The following YWHAB variants were observed in gnomAD, a reference collection of about 807,000 sequenced individuals.
The protein encoded by YWHAB is tyrosine 3-monooxygenase/tryptophan 5-monooxygenase activation protein beta.
A neutral mutation model predicts 28.5 loss-of-function variants in YWHAB; 2 were observed. That is an observed-to-expected ratio of 0.07 (90% confidence interval 0.03 to 0.22). The LOEUF is 0.22. Ranked by LOEUF, YWHAB falls within the 10% of genes least tolerant of loss-of-function variation. The probability of loss-of-function intolerance (pLI) is 1.00; values close to 1 mark genes in which losing one functional copy is unlikely to be tolerated. For missense variants in YWHAB, 148 were observed against 297.1 expected (o/e 0.50, Z 3.69); for synonymous variants, 103 against 104.7 (o/e 0.98, Z 0.10).
At chr20:44,903,271 A>T (rs146152175) in intron 2 of YWHAB, 1 of 188,288 alleles carries the variant, frequency 5.3e-6, no homozygotes, top group East Asian at 1.9e-4. Flanking sequence ...ACCCTAGAAG[A>T]TGACCCTTCG....
intron 1 of YWHAB, among the ~76,000 whole-genome samples, chr20:44,892,023 G>A (rs1025055433): frequency 6.6e-6 from 1 of 152,126 alleles, no homozygotes; most frequent in African/African-American, 2.4e-5. Context: ...CTAACCACCT[G>A]GTCCCACTGA....
rs755819639 is a variant in YWHAB at position 44,901,527 on chromosome 20, C to G, written c.-3-4C>G. On this transcript the variant is annotated splice_polypyrimidine_tract_variant and splice_region_variant and intron_variant, in intron 1 of 5. Coordinates refer to ENST00000353703, the MANE Select transcript of YWHAB (RefSeq NM_139323.4). The stretch of plus-strand genomic sequence containing the variant: ...TCTTTCTTTTTCTCTTGCTCTTGTT[C>G]TAGGGAATGACAATGGATAAAAGTG... 36 of 1,581,260 alleles carry G rather than the reference C, an allele frequency of 2.3e-5. No homozygotes were observed. Among genetic ancestry groups the G allele is most frequent in the African/African-American group, 1.6e-4 (12 of 74,108 alleles).
At position 44,907,116 on chromosome 20, in the gene YWHAB, A is replaced by G. The variant is rs1249274339; in HGVS notation, c.*678A>G. The G allele has an allele frequency of 6.6e-6, 1 of 152,246 alleles. No homozygotes were observed. The allele number at this position is 152,246 out of a possible 1,614,324, so 9.4% of individuals were successfully genotyped here. On this transcript the variant is annotated 3_prime_UTR_variant, in exon 6 of 6. Transcript: ENST00000353703. Reference sequence around the variant, plus strand: ...CTTGAAAAGTTCAAGTGCTCATATAACACACCACACTGAACCCCCTTTCCT... The same window carrying G: ...CTTGAAAAGTTCAAGTGCTCATATAGCACACCACACTGAACCCCCTTTCCT...
chr20:44,901,789 G>C lies in YWHAB; in HGVS notation c.256G>C (p.Glu86Gln). The C allele has an allele frequency of 6.2e-7, 1 of 1,610,686 alleles. No homozygotes were observed. The highest frequency in any genetic ancestry group is 8.5e-7 in the Non-Finnish European group (1 of 1,177,182). Residue 86 changes from glutamate to glutamine, a missense_variant, in exon 2 of 6, where the codon GAG (glutamate) becomes CAG (glutamine). Glu to Gln is a conservative substitution (Grantham distance 29). Around this residue, in one of 2 missense-constraint regions of YWHAB, gnomAD observed 110 missense variants for 177.9 expected, o/e 0.62. Coordinates refer to ENST00000353703, the MANE Select transcript of YWHAB (RefSeq NM_139323.4). ...GCAGCAGATGGGCAAAGAGTACCGT[G>C]AGAAGATAGAGGCAGAACTGCAGGA... ...KKQQMGKEYR[E>Q]KIEAELQDIC... is the part of the protein sequence containing the mutation.
chr20:44,899,697 G>T (rs900758983), intron 1 of YWHAB, among the ~76,000 whole-genome samples: 1 of 152,042 alleles, frequency 6.6e-6, no homozygotes, highest in Non-Finnish European at 1.5e-5. Context: ...TAAAATTACC[G>T]CACTCTGTAA....
At chr20:44,892,762 C>G (rs2066570309) in intron 1 of YWHAB, among the ~76,000 whole-genome samples, 1 of 152,098 alleles carries the variant, frequency 6.6e-6, no homozygotes, top group South Asian at 2.1e-4. Context: ...AAAACAGATT[C>G]AGGTAAGTTA....
chr20:44,893,326 A>G (rs1410964208), intron 1 of YWHAB, among the ~76,000 whole-genome samples: 2 of 152,146 alleles, frequency 1.3e-5, no homozygotes, highest in Non-Finnish European at 2.9e-5. Flanking sequence ...GTACCTTTAG[A>G]ATTATTTTTC....
At chr20:44,886,024 G>C (rs1358376758) in intron 1 of YWHAB, 138 bp downstream of exon 1, 1 of 152,260 alleles carries the variant, frequency 6.6e-6, no homozygotes, top group East Asian at 1.9e-4. Flanking sequence ...CCGCGCGGCC[G>C]CCGGCGGCGA....
chr20:44,895,564 C>A (rs2267848), intron 1 of YWHAB, among the ~76,000 whole-genome samples: 50,089 of 151,926 alleles, frequency 0.33, 9,215 homozygotes, highest in African/African-American at 0.49. Flanking sequence ...GGCCTCCTAG[C>A]CTCAAGCGAT....
chr20:44,905,349 GGTT>G (rs1287560804), intron 4 of YWHAB: 1 of 439,030 alleles, frequency 2.3e-6, no homozygotes, highest in African/African-American at 2.0e-5. Flanking sequence ...TTTTGCGGGT[GGTT>G]GTAGAAAGTT....
intron 1 of YWHAB, among the ~76,000 whole-genome samples, chr20:44,899,007 T>G (rs1019721148): frequency 2.6e-5 from 4 of 151,922 alleles, no homozygotes; most frequent in African/African-American, 9.7e-5. Context: ...TCCCAGCTAC[T>G]CGGGTGGCTG....
intron 1 of YWHAB, among the ~76,000 whole-genome samples, chr20:44,892,881 G>A (rs1399037758): frequency 6.6e-6 from 1 of 152,144 alleles, no homozygotes; most frequent in Non-Finnish European, 1.5e-5. Flanking sequence ...TATAGAGCTT[G>A]GGTAATTCCT....
chr20:44,905,332 T>G, intron 4 of YWHAB: 1 of 481,284 alleles, frequency 2.1e-6, no homozygotes, highest in Non-Finnish European at 3.5e-6. Context: ...TTTGTTTGAT[T>G]ACTGTTTTTT....
chr20:44,903,885 T>A (rs1017281272), intron 2 of YWHAB, 108 bp from the exon 3 acceptor site: 2 of 1,342,460 alleles, frequency 1.5e-6, no homozygotes, highest in South Asian at 1.4e-5. Flanking sequence ...GGTGTTTTTT[T>A]AATCTTCCAA....
At chr20:44,898,119 G>C (rs1011552312) in intron 1 of YWHAB, among the ~76,000 whole-genome samples, 5 of 152,222 alleles carry the variant, frequency 3.3e-5, no homozygotes, top group Non-Finnish European at 7.3e-5. Flanking sequence ...TCTGACTGCT[G>C]TGGGGGTTCT....
chr20:44,889,981 C>CT (rs1445187002), intron 1 of YWHAB, among the ~76,000 whole-genome samples: 1 of 152,156 alleles, frequency 6.6e-6, no homozygotes, highest in Non-Finnish European at 1.5e-5. Context: ...TGAGTTAACT[C>CT]TTTGCATTTA....
chr20:44,900,666 C>G (rs994662428), intron 1 of YWHAB, among the ~76,000 whole-genome samples: 1 of 152,190 alleles, frequency 6.6e-6, no homozygotes, highest in Non-Finnish European at 1.5e-5. Context: ...ACCAGAGTTG[C>G]TTACAGGACA....
At chr20:44,899,109 C>T (rs2066612314) in intron 1 of YWHAB, among the ~76,000 whole-genome samples, 2 of 152,086 alleles carry the variant, frequency 1.3e-5, no homozygotes, top group African/African-American at 2.4e-5. Context: ...GAGACTCCGT[C>T]TCCAAACAAA....
At chr20:44,894,263 CTAAT>C (rs1488939895) in intron 1 of YWHAB, among the ~76,000 whole-genome samples, 1 of 152,196 alleles carries the variant, frequency 6.6e-6, no homozygotes, top group Admixed American at 6.5e-5. Context: ...TTTGTGGCCT[CTAAT>C]GAGTTTGCCT....
Sources: allele counts gnomAD v4.1 joint callset (sites outside exome capture counted in the v4.1 genomes callset), GRCh38; gene constraint gnomAD v4.1.1; regional missense constraint gnomAD v4.1.1; transcripts MANE v1.5; gene names NCBI Gene and HGNC (gene_info 2026-07-23, HGNC 2026-07-21).